Variants in GAS2L3 observed in about 807,000 individuals in gnomAD.
GAS2L3 encodes the protein growth arrest specific 2 like 3.
In GAS2L3, 28 loss-of-function variants were observed where a neutral mutation model predicts 37.0. That is an observed-to-expected ratio of 0.76 (90% CI 0.56 to 1.04). GAS2L3 has a LOEUF of 1.04. Ranked by LOEUF, GAS2L3 falls within the 50% of genes least tolerant of loss-of-function variation. The probability of loss-of-function intolerance (pLI) is 0.00; values close to 1 mark genes in which losing one functional copy is unlikely to be tolerated. For synonymous variants in GAS2L3, 290 were observed against 296.6 expected (o/e 0.98, Z 0.23); for missense variants, 793 against 817.6 (o/e 0.97, Z 0.37).
At chr12:100,579,888 A>G in intron 1 of GAS2L3, 1 of 754,410 alleles carries the variant, frequency 1.3e-6, no homozygotes, top group Non-Finnish European at 2.5e-6. Context: ...CATAGTAAAG[A>G]CTTTCCACAC....
At chr12:100,578,530 G>A (rs1955666299) in intron 1 of GAS2L3, 1 of 162,626 alleles carries the variant, frequency 6.1e-6, no homozygotes, top group African/African-American at 2.4e-5. Flanking sequence ...CAACAGATTA[G>A]GTTAGCTGCA....
At chr12:100,619,512 TG>T (rs1361834064) in intron 8 of GAS2L3, among the ~76,000 whole-genome samples, 1 of 152,072 alleles carries the variant, frequency 6.6e-6, no homozygotes, top group African/African-American at 2.4e-5. Flanking sequence ...TTTTGTTTAA[TG>T]TAATAAAAGT....
chr12:100,593,492 G>A (rs1003749590), intron 2 of GAS2L3: 2 of 152,020 alleles, frequency 1.3e-5, no homozygotes, highest in Non-Finnish European at 1.5e-5. Context: ...AAAGTGCAGC[G>A]ACTAAACATT....
At chr12:100,622,244 A>G in intron 8 of GAS2L3, 31 bp from the exon 9 acceptor site, 1 of 1,186,364 alleles carries the variant, frequency 8.4e-7, no homozygotes, top group Non-Finnish European at 1.2e-6. Flanking sequence ...TTTTGTGACA[A>G]GCACTAAATT....
At chr12:100,593,182 T>G (rs1340944726) in intron 2 of GAS2L3, among the ~76,000 whole-genome samples, 1 of 152,238 alleles carries the variant, frequency 6.6e-6, no homozygotes, top group African/African-American at 2.4e-5. Flanking sequence ...TACTTATTAC[T>G]TAATTGATGA....
chr12:100,613,468 G>A (rs1346094429), intron 6 of GAS2L3, among the ~76,000 whole-genome samples: 1 of 152,108 alleles, frequency 6.6e-6, no homozygotes, highest in East Asian at 1.9e-4. Flanking sequence ...AAAATTTTAG[G>A]ATAAATTCCT....
chr12:100,610,233 T>C (rs1360954362), intron 5 of GAS2L3, among the ~76,000 whole-genome samples: 1 of 152,228 alleles, frequency 6.6e-6, no homozygotes, highest in Admixed American at 6.5e-5. Context: ...AACCTAAATG[T>C]TTATCAACAG....
At chr12:100,586,265 A>C (rs1955780032) in intron 1 of GAS2L3, among the ~76,000 whole-genome samples, 1 of 152,216 alleles carries the variant, frequency 6.6e-6, no homozygotes, top group South Asian at 2.1e-4. Flanking sequence ...CAACAACAGC[A>C]GACAGAATAC....
intron 1 of GAS2L3, chr12:100,579,659 T>C (rs1955684896): frequency 2.2e-5 from 17 of 779,268 alleles, no homozygotes; most frequent in Non-Finnish European, 4.0e-5. Context: ...ATATTTTTCT[T>C]AATACCTCCC....
intron 5 of GAS2L3, among the ~76,000 whole-genome samples, chr12:100,607,366 G>A (rs1956070201): frequency 6.6e-6 from 1 of 151,920 alleles, no homozygotes; most frequent in Non-Finnish European, 1.5e-5. Flanking sequence ...CTTTATCCTT[G>A]ACCTTTGGGA....
intron 5 of GAS2L3, 49 bp from the exon 6 acceptor site, chr12:100,611,951 T>C: frequency 7.8e-7 from 1 of 1,286,336 alleles, no homozygotes; most frequent in Non-Finnish European, 1.1e-6. Flanking sequence ...GAATGTTTAA[T>C]GAAAGTATCC....
chr12:100,600,678 G>A, intron 4 of GAS2L3, 128 bp downstream of exon 4: 1 of 772,332 alleles, frequency 1.3e-6, no homozygotes, highest in Non-Finnish European at 2.1e-6. Context: ...AATATTCAGT[G>A]CCCTTGGTCT....
At chr12:100,611,165 A>T (rs1383700365) in intron 5 of GAS2L3, 3 of 151,992 alleles carry the variant, frequency 2.0e-5, no homozygotes, top group Non-Finnish European at 4.4e-5. Flanking sequence ...ATTAAAAGAA[A>T]TATTTTGTAG....
chr12:100,610,770 A>C (rs1266398058), intron 5 of GAS2L3, among the ~76,000 whole-genome samples: 1 of 152,180 alleles, frequency 6.6e-6, no homozygotes, highest in Non-Finnish European at 1.5e-5. Context: ...CCAAACCAAA[A>C]CAAAAAAATC....
chr12:100,601,085 T>G (rs563997120), intron 4 of GAS2L3, among the ~76,000 whole-genome samples: 78 of 152,258 alleles, frequency 5.1e-4, no homozygotes, highest in Non-Finnish European at 9.1e-4. Context: ...AAATTTTACT[T>G]TAAATAATTT....
At chr12:100,584,944 T>C (rs1213177140) in intron 1 of GAS2L3, among the ~76,000 whole-genome samples, 2 of 143,982 alleles carry the variant, frequency 1.4e-5, no homozygotes, top group African/African-American at 2.6e-5. Context: ...GCTGGAGTGC[T>C]GTGGCGCAAT....
chr12:100,582,091 T>C (rs1171020415), intron 1 of GAS2L3, among the ~76,000 whole-genome samples: 2 of 152,218 alleles, frequency 1.3e-5, no homozygotes, highest in African/African-American at 4.8e-5. Context: ...TTCAATCACC[T>C]GGGTGCAGGT....
chr12:100,590,938 T>G (rs1955838967), intron 1 of GAS2L3, among the ~76,000 whole-genome samples: 2 of 142,318 alleles, frequency 1.4e-5, no homozygotes, highest in African/African-American at 5.2e-5. Context: ...GGGGGAAGAG[T>G]GGGAGGGGGG....
At chr12:100,588,054 AAAAAT>A (rs550890050) in intron 1 of GAS2L3, among the ~76,000 whole-genome samples, 68 of 152,290 alleles carry the variant, frequency 4.5e-4, no homozygotes, top group Non-Finnish European at 7.1e-4. Flanking sequence ...TCCATCTCAA[AAAAAT>A]AAAATAAAAT....
Sources: allele counts gnomAD v4.1 joint callset (sites outside exome capture counted in the v4.1 genomes callset), GRCh38; gene constraint gnomAD v4.1.1; transcripts MANE v1.5; gene names NCBI Gene and HGNC (gene_info 2026-07-23, HGNC 2026-07-21).